PAM: variants seen among roughly 807,000 people sequenced by gnomAD.
The protein encoded by PAM is peptidylglycine alpha-amidating monooxygenase, also known as peptidyl-glycine alpha-amidating monooxygenase.
In PAM, 72 loss-of-function variants were observed where a neutral mutation model predicts 122.1. The ratio of observed to expected loss-of-function variants is 0.59; its 90% CI spans 0.49 to 0.72. PAM has a LOEUF of 0.72. Among genes scored for constraint, PAM ranks in the 30% least tolerant of loss-of-function variants. The pLI, the probability that PAM is intolerant of heterozygous loss-of-function variation, is 0.00. For synonymous variants in PAM, 389 were observed against 404.4 expected (o/e 0.96, Z 0.46); for missense variants, 1,106 against 1,183.7 (o/e 0.93, Z 0.96).
At chr5:102,903,063 T>TGAAAGGTTCTA (rs1798483720) in intron 4 of PAM, among the ~76,000 whole-genome samples, 1 of 151,656 alleles carries the variant, frequency 6.6e-6, no homozygotes, top group African/African-American at 2.4e-5. Context: ...TAAAGGTCTA[T>TGAAAGGTTCTA]ATTAGAACCA....
intron 1 of PAM, among the ~76,000 whole-genome samples, chr5:102,807,596 T>G (rs1022102162): frequency 6.6e-6 from 1 of 152,182 alleles, no homozygotes; most frequent in Non-Finnish European, 1.5e-5. Context: ...AGGAGATAAA[T>G]AGACTGGGCA....
intron 1 of PAM, among the ~76,000 whole-genome samples, chr5:102,774,079 G>A (rs1756505530): frequency 6.6e-6 from 1 of 152,022 alleles, no homozygotes; most frequent in Admixed American, 6.6e-5. Context: ...GTATTCCATG[G>A]TGTATCCCAC....
Position 103,005,150 on chromosome 5 carries a change from G to C in PAM, c.1731-4G>C, listed in dbSNP as rs779285479. 7.3e-6 allele frequency: 11 copies of C among 1,515,466 alleles called. No homozygotes were observed. Among genetic ancestry groups the C allele is most frequent in the Non-Finnish European group, 1.0e-5 (11 of 1,091,872 alleles). 93.9% of individuals were successfully genotyped at this position (1,515,466 alleles called of 1,614,324 possible). A position where few individuals can be genotyped will look rare whatever the true frequency, so the allele number is the denominator to read the frequency against. ...TAATTAACACAAATATTTTTATTTT[G>C]CAGGTTTTACTTGCCACATGGCTTG... On this transcript the variant is annotated splice_region_variant and splice_polypyrimidine_tract_variant and intron_variant, in intron 17 of 25. Transcript: ENST00000438793.
chr5:103,000,008 A>G (rs922327872), intron 16 of PAM, among the ~76,000 whole-genome samples: 1 of 152,150 alleles, frequency 6.6e-6, no homozygotes, highest in African/African-American at 2.4e-5. Flanking sequence ...TCCTCAGAAA[A>G]TGGGTTTTTC....
At chr5:102,870,672 A>G (rs1379575218) in intron 3 of PAM, among the ~76,000 whole-genome samples, 1 of 152,232 alleles carries the variant, frequency 6.6e-6, no homozygotes, top group Non-Finnish European at 1.5e-5. Flanking sequence ...AGAAATGGAT[A>G]ATCAGTGTTT....
chr5:102,907,432 A>G (rs1799910715), intron 4 of PAM, among the ~76,000 whole-genome samples: 1 of 151,372 alleles, frequency 6.6e-6, no homozygotes, highest in Non-Finnish European at 1.5e-5. Context: ...CAATAAACAT[A>G]CGTGTGCTTG....
In PAM at chr5:102,974,112, A is replaced by C. The variant is rs777966834; in HGVS notation, c.1163-4A>C. 5 of 1,603,466 alleles carry C rather than the reference A, an allele frequency of 3.1e-6. No individual in the cohort carries two copies. Among genetic ancestry groups the C allele is most frequent in the Non-Finnish European group, 4.3e-6 (5 of 1,173,082 alleles). ...CGCCCTTATCTCTTCTCTTTTTTCC[A>C]CAGGTGATTTCTATTCACTACTTTC... On this transcript the variant is annotated splice_polypyrimidine_tract_variant and splice_region_variant and intron_variant, in intron 14 of 25. Coordinates refer to ENST00000438793, the MANE Select transcript of PAM (RefSeq NM_001177306.2).
At chr5:102,983,480 G>GA (rs1562129930) in intron 15 of PAM, among the ~76,000 whole-genome samples, 3 of 147,186 alleles carry the variant, frequency 2.0e-5, no homozygotes, top group South Asian at 4.2e-4. Flanking sequence ...ATTTTAAAAA[G>GA]AAAAAAAATA....
intron 3 of PAM, among the ~76,000 whole-genome samples, chr5:102,871,395 T>G (rs1401138067): frequency 6.6e-6 from 1 of 152,120 alleles, no homozygotes; most frequent in Non-Finnish European, 1.5e-5. Context: ...AATGGCTTCA[T>G]GGAGAAGCTA....
intron 1 of PAM, among the ~76,000 whole-genome samples, chr5:102,789,985 T>C (rs1368834875): frequency 2.0e-5 from 3 of 152,112 alleles, no homozygotes; most frequent in South Asian, 4.1e-4. Flanking sequence ...TTTCTTATCT[T>C]GTATGTGATC....
chr5:102,821,049 T>G (rs1771732433), intron 1 of PAM, among the ~76,000 whole-genome samples: 1 of 152,184 alleles, frequency 6.6e-6, no homozygotes, highest in Non-Finnish European at 1.5e-5. Context: ...GAACATAGTA[T>G]GAATATATAG....
In PAM at chr5:102,826,687, A is replaced by T. The variant is rs533983429; in HGVS notation, c.-373-39136A>T. Among the ~76,000 whole-genome samples, 11 of 152,210 alleles carry T rather than the reference A, an allele frequency of 7.2e-5. No individual in the cohort carries two copies. The South Asian group carries it at 2.3e-3, about 32-fold the overall frequency. On this transcript the variant is annotated intron_variant, in intron 1 of 25. Coordinates refer to ENST00000438793, the MANE Select transcript of PAM (RefSeq NM_001177306.2). The stretch of plus-strand genomic sequence containing the variant: ...GTAACTGCAATCCTTAAGGATACAA[A>T]TTTGTTTCTGAATGTTGTAGCTAGT...
intron 7 of PAM, among the ~76,000 whole-genome samples, chr5:102,940,678 A>G (rs1754904818): frequency 6.6e-6 from 1 of 152,128 alleles, no homozygotes; most frequent in African/African-American, 2.4e-5. Flanking sequence ...CCATGAAGCA[A>G]GTGAACAAGT....
At chr5:102,883,264 T>C (rs1280430664) in intron 3 of PAM, among the ~76,000 whole-genome samples, 1 of 151,922 alleles carries the variant, frequency 6.6e-6, no homozygotes, top group Non-Finnish European at 1.5e-5. Flanking sequence ...GCAATGATAG[T>C]GGTATTTTGA....
chr5:102,898,110 A>G (rs1796687036), intron 3 of PAM, among the ~76,000 whole-genome samples: 1 of 151,578 alleles, frequency 6.6e-6, no homozygotes, highest in Non-Finnish European at 1.5e-5. Flanking sequence ...TTTGTCAGAA[A>G]AATGTACTTT....
rs188633220 is a variant in PAM, at chr5:102,992,752, T to G, written c.1613+2351T>G. Among the ~76,000 whole-genome samples the G allele has an allele frequency of 2.4e-3, 358 of 152,272 alleles. 3 individuals are homozygous for G. The highest frequency in any genetic ancestry group is 8.5e-3 in the African/African-American group (352 of 41,568). ...CATTCTTCTTGTTACTACTGTTGGA[T>G]GGTGACAAATCCTGTATTAATTTTC... On this transcript the variant is annotated intron_variant, in intron 16 of 25. Coordinates refer to ENST00000438793, the MANE Select transcript of PAM (RefSeq NM_001177306.2).
intron 23 of PAM, among the ~76,000 whole-genome samples, chr5:103,024,141 T>A (rs1484307805): frequency 6.6e-6 from 1 of 152,164 alleles, no homozygotes; most frequent in African/African-American, 2.4e-5. Context: ...CTGTGAGTCT[T>A]CCTGCAAATG....
At chr5:102,949,355 G>C (rs192805588) in intron 9 of PAM, among the ~76,000 whole-genome samples, 182 bp from the exon 10 acceptor site, 2 of 151,982 alleles carry the variant, frequency 1.3e-5, no homozygotes, top group Non-Finnish European at 2.9e-5. Context: ...TAAGGCAAGG[G>C]GTTCTTAATT....
At chr5:102,864,551 A>T (rs546096903) in intron 1 of PAM, 49 of 152,220 alleles carry the variant, frequency 3.2e-4, no homozygotes, top group African/African-American at 1.2e-3. Flanking sequence ...ATCATGAAGA[A>T]TCTCACTTCA....
Sources: allele counts gnomAD v4.1 joint callset (sites outside exome capture counted in the v4.1 genomes callset), GRCh38; gene constraint gnomAD v4.1.1; transcripts MANE v1.5; gene names NCBI Gene and HGNC (gene_info 2026-07-23, HGNC 2026-07-21).